PCNX3: variants seen among roughly 807,000 people sequenced by gnomAD.
The protein encoded by PCNX3 is pecanex 3, also known as pecanex-like protein 3.
Under a neutral mutation model 207.2 loss-of-function variants are expected in PCNX3, and 58 were observed. The observed-to-expected ratio is 0.28, with a 90% CI of 0.23 to 0.35. The LOEUF (loss-of-function observed/expected upper bound fraction) is 0.35. Ranked by LOEUF, PCNX3 falls within the 10% of genes least tolerant of loss-of-function variation. PCNX3 has a pLI of 1.00. For synonymous variants in PCNX3, 1,337 were observed against 1,183.5 expected, an observed-to-expected ratio of 1.13 and a Z score of -2.66; for missense variants, 2,410 against 2,774.4, an observed-to-expected ratio of 0.87 and a Z score of 2.95.
At chr11:65,630,647 T>A (rs749347100) in intron 27 of PCNX3, 43 bp downstream of exon 27, 1 of 1,588,254 alleles carries the variant, frequency 6.3e-7, no homozygotes, top group Non-Finnish European at 8.6e-7. Flanking sequence ...CCCTTGCGGG[T>A]GAGCGCTCGC....
intron 9 of PCNX3, among the ~76,000 whole-genome samples, 179 bp downstream of exon 9, chr11:65,620,608 A>G (rs142108341): frequency 0.012 from 1,831 of 151,982 alleles, 40 homozygotes; most frequent in African/African-American, 0.041. Flanking sequence ...GCTCCATGAC[A>G]CTCCGGGCAG....
intron 22 of PCNX3, among the ~76,000 whole-genome samples, chr11:65,627,902 G>A (rs968108272): frequency 6.6e-5 from 10 of 152,134 alleles, no homozygotes; most frequent in East Asian, 1.9e-4. Context: ...TCCTCTGGAC[G>A]CAGACCTCTG....
chr11:65,620,561 TG>T (rs1855032883), intron 9 of PCNX3, 132 bp downstream of exon 9: 2 of 1,069,598 alleles, frequency 1.9e-6, no homozygotes, highest in Non-Finnish European at 2.7e-6. Flanking sequence ...AGGGAGAGGA[TG>T]GGGAGCAGCA....
chr11:65,622,411 G>A, intron 11 of PCNX3, 45 bp downstream of exon 11: 2 of 1,563,088 alleles, frequency 1.3e-6, no homozygotes, highest in Non-Finnish European at 1.7e-6. Context: ...GAAAGCCCCT[G>A]GACCTTGGCT....
At position 65,616,398 on chromosome 11, in the gene PCNX3, C is replaced by A. The variant is rs1469597696; in HGVS notation, c.87C>A (p.Thr29=). 3 of 1,610,860 alleles carry A rather than the reference C, an allele frequency of 1.9e-6. No homozygotes were observed. The highest frequency in any genetic ancestry group is 4.5e-5 in the East Asian group (2 of 44,656). The change falls in exon 1 of 35, where the codon ACC becomes ACA. Residue 29 remains threonine (T), a synonymous_variant. Coordinates refer to ENST00000355703, the MANE Select transcript of PCNX3 (RefSeq NM_032223.4). ...GGTTCTTCGACCCGCACCAGAGCAC[C>A]TTCTCCAACTGCTTCCACCTCTATG... The part of the protein sequence containing the change: ...GGWFFDPHQS[T]FSNCFHLYVW...
Position 65,630,500 on chromosome 11 carries a change from G to A in PCNX3, c.4366G>A (p.Ala1456Thr). 1 of 1,613,578 alleles carries A rather than the reference G, an allele frequency of 6.2e-7. No individual in the cohort carries two copies. Among genetic ancestry groups the A allele is most frequent in the South Asian group, 1.1e-5 (1 of 91,088 alleles). Reference sequence around the variant, plus strand: ...GCGCTGGCTGGCTTGGGAGGTAACAGCCAGCAAGTACGTGCTGGAGGGCTA... The same window carrying A: ...GCGCTGGCTGGCTTGGGAGGTAACAACCAGCAAGTACGTGCTGGAGGGCTA... ...GQRWLAWEVT[A>T]SKYVLEGYSI... The change falls in exon 27 of 35, where the codon GCC becomes ACC. Residue 1456 changes from alanine to threonine, a missense_variant. Ala to Thr is a moderately conservative substitution (Grantham distance 58, BLOSUM62 0). Coordinates refer to ENST00000355703, the MANE Select transcript of PCNX3 (RefSeq NM_032223.4).
rs746351113 is a variant in PCNX3 at position 65,623,530 on chromosome 11, G to A, written c.2397G>A (p.Leu799=). 1 of 1,613,582 alleles carries A rather than the reference G, an allele frequency of 6.2e-7. No individual in the cohort carries two copies. Among genetic ancestry groups the A allele is most frequent in the East Asian group, 2.2e-5 (1 of 44,886 alleles). Residue 799 remains leucine, a synonymous_variant, in exon 12 of 35, where the codon CTG becomes CTA. Coordinates refer to ENST00000355703, the MANE Select transcript of PCNX3 (RefSeq NM_032223.4). The stretch of plus-strand genomic sequence containing the variant: ...TGGAGAACATCTTCGGCGTGGGCCT[G>A]AGCAGCCTTGTGGCCTTCCTGGGCT... ...GVLENIFGVG[L]SSLVAFLGYL... is the part of the protein sequence containing the mutation.
chr11:65,628,793 C>G, intron 23 of PCNX3, 26 bp from the exon 24 acceptor site: 1 of 1,609,084 alleles, frequency 6.2e-7, no homozygotes, highest in South Asian at 1.1e-5. Context: ...GTCCTGTTGC[C>G]CGCCGCCTCC....
chr11:65,627,477 G>C lies in PCNX3; in HGVS notation c.3597G>C (p.Gln1199His). ...LRSAFCCPPQ[Q>H]YLTLAFTVLL... ...CAGCCTTCTGCTGCCCCCCACAGCA[G>C]TACCTGACGTTGGCCTTCACCGTCC... Residue 1199 changes from glutamine to histidine, a missense_variant, in exon 22 of 35, where the codon CAG becomes CAC. Around this residue, in one of 8 missense-constraint regions of PCNX3, gnomAD observed 333 missense variants for 386.8 expected, o/e 0.86. Coordinates refer to ENST00000355703, the MANE Select transcript of PCNX3 (RefSeq NM_032223.4). The C allele has an allele frequency of 2.5e-6, 4 of 1,613,742 alleles. No homozygotes were observed. In the South Asian group the frequency reaches 3.3e-5, roughly 13 times the overall value.
intron 23 of PCNX3, 53 bp from the exon 24 acceptor site, chr11:65,628,766 T>TGGGGGG: frequency 3.3e-6 from 1 of 302,140 alleles, no homozygotes; most frequent in Non-Finnish European, 5.5e-6. Flanking sequence ...CAGTGGGGGG[T>TGGGGGG]GGTGGGGGGC....
chr11:65,625,604 G>C lies in PCNX3; in HGVS notation c.3136-48G>C. On this transcript the variant is annotated intron_variant, in intron 18 of 34. Transcript: ENST00000355703. This position sits in a 1 kb window ranked among gnomAD's most constrained non-coding sequence, Gnocchi z 5.6. ...GTCCAGCTTGGGCTGCTGGGCAGCTGAGTGTCTCTCCTGGCCGGGCAGCTG... is the reference window on the plus strand; with the variant it reads ...GTCCAGCTTGGGCTGCTGGGCAGCTCAGTGTCTCTCCTGGCCGGGCAGCTG... 6.2e-7 allele frequency: 1 copy of C among 1,601,066 alleles called. No individual in the cohort carries two copies. Among genetic ancestry groups the C allele is most frequent in the Non-Finnish European group, 8.5e-7 (1 of 1,173,658 alleles).
chr11:65,624,965 C>T lies in PCNX3; in HGVS notation c.2868C>T (p.Arg956=), dbSNP rs766544155. 6.2e-7 allele frequency: 1 copy of T among 1,612,662 alleles called. No individual in the cohort carries two copies. Among genetic ancestry groups the T allele is most frequent in the Non-Finnish European group, 8.5e-7 (1 of 1,179,586 alleles). ...SPLTAVFSLS[R]SLLAAALLYG... ...TCACGGCAGTCTTCAGCCTCTCCCG[C>T]AGCCTGCTGGCTGCTGCCCTGCTCT... Residue 956 remains arginine (R), a synonymous_variant, in exon 16 of 35, where the codon CGC becomes CGT. Transcript: ENST00000355703.
chr11:65,636,357 C>T lies in PCNX3; in HGVS notation c.5594-34C>T, dbSNP rs529742679. 3.8e-6 allele frequency: 6 copies of T among 1,594,062 alleles called. No homozygotes were observed. In the Admixed American group the frequency reaches 6.9e-5, roughly 18 times the overall value. The stretch of plus-strand genomic sequence containing the variant: ...CCCGTGGGTGAGGAGTGCAGCCCAG[C>T]TGAGGCCTCTGCTGTCTTATCTGTC... On this transcript the variant is annotated intron_variant, in intron 33 of 34. Coordinates refer to ENST00000355703, the MANE Select transcript of PCNX3 (RefSeq NM_032223.4).
rs763569394 is a variant in PCNX3 at position 65,624,566 on chromosome 11, G to A, written c.2812G>A (p.Gly938Ser). ...CCTGCTGGAGCAAATAGATATGCAC[G>A]GCTTCGGGGGCACAGGTATGATGCC... ...MYLLEQIDMH[G>S]FGGTAATSPL... The change falls in exon 15 of 35, where the codon GGC becomes AGC. Residue 938 changes from glycine to serine, a missense_variant. Physicochemically the swap from Gly to Ser is moderately conservative, Grantham distance 56 (BLOSUM62 0). This residue lies in a region of PCNX3 where 18 missense variants were observed against 46.2 expected (regional missense o/e 0.39). Transcript: ENST00000355703. The A allele has an allele frequency of 6.3e-6, 10 of 1,599,668 alleles. No individual in the cohort carries two copies. The highest frequency in any genetic ancestry group is 2.3e-5 in the South Asian group (2 of 88,352).
In PCNX3 at chr11:65,617,980, C is replaced by T. The variant is rs777411363; in HGVS notation, c.618C>T (p.Asp206=). 12 of 1,608,402 alleles carry T rather than the reference C, an allele frequency of 7.5e-6. No individual in the cohort carries two copies. The highest frequency in any genetic ancestry group is 1.7e-4 in the Middle Eastern group (1 of 6,040). The change falls in exon 6 of 35, where the codon GAC becomes GAT. Residue 206 remains aspartate (D), a synonymous_variant. Coordinates refer to ENST00000355703, the MANE Select transcript of PCNX3 (RefSeq NM_032223.4). ...AGACGCCTCCAGGGGCTGTCCCAGA[C>T]CCCTCTCTTGCCAGTACAGACTCTT... ...LPQTPPGAVP[D]PSLASTDSSE... is the part of the protein sequence containing the mutation.
chr11:65,630,006 G>A (rs1419769932), intron 26 of PCNX3, among the ~76,000 whole-genome samples: 1 of 152,246 alleles, frequency 6.6e-6, no homozygotes, highest in Non-Finnish European at 1.5e-5. Flanking sequence ...GGAGGTCTGA[G>A]TTCTCACACC....
In PCNX3 at chr11:65,625,761, C is replaced by T. The variant is rs1163646432; in HGVS notation, c.3228+17C>T. 5 of 1,604,446 alleles carry T rather than the reference C, an allele frequency of 3.1e-6. No individual in the cohort carries two copies. Among genetic ancestry groups the T allele is most frequent in the Non-Finnish European group, 4.2e-6 (5 of 1,177,390 alleles). On this transcript the variant is annotated intron_variant, in intron 19 of 34. Coordinates refer to ENST00000355703, the MANE Select transcript of PCNX3 (RefSeq NM_032223.4). This position sits in a 1 kb window ranked among gnomAD's most constrained non-coding sequence, Gnocchi z 5.6. The stretch of plus-strand genomic sequence containing the variant: ...GCCCTGAAGGTTTGTGTGGCATGGG[C>T]CGCTGCTGCCTCTCGCTGTCTTGGC...
At chr11:65,628,760 G>C (rs1227785631) in intron 23 of PCNX3, 57 bp downstream of exon 23, 1 of 1,601,396 alleles carries the variant, frequency 6.2e-7, no homozygotes, top group East Asian at 2.2e-5. Flanking sequence ...CTGGGGCAGT[G>C]GGGGGTGGTG....
In PCNX3 at chr11:65,625,703, A is replaced by G. The variant is rs1855351862; in HGVS notation, c.3187A>G (p.Thr1063Ala). Reference sequence around the variant, plus strand: ...GATGTGTGTGGTGATCGCCGTGCTCACCTTCGCCATCAGCGCCAGCACCGT... The same window carrying G: ...GATGTGTGTGGTGATCGCCGTGCTCGCCTTCGCCATCAGCGCCAGCACCGT... ...LVMCVVIAVL[T>A]FAISASTVFI... is the part of the protein sequence containing the mutation. Residue 1063 changes from threonine to alanine, a missense_variant, in exon 19 of 35, where the codon ACC becomes GCC. This residue lies in a region of PCNX3 where 333 missense variants were observed against 386.8 expected (regional missense o/e 0.86). Transcript: ENST00000355703. The surrounding 1 kb of genome is among the most constrained non-coding windows in gnomAD (Gnocchi z 5.6). 1 of 1,611,696 alleles carries G rather than the reference A, an allele frequency of 6.2e-7. No homozygotes were observed. Among genetic ancestry groups the G allele is most frequent in the African/African-American group, 1.3e-5 (1 of 74,804 alleles).
Sources: allele counts gnomAD v4.1 joint callset (sites outside exome capture counted in the v4.1 genomes callset), GRCh38; gene constraint gnomAD v4.1.1; regional missense constraint gnomAD v4.1.1; non-coding constraint Gnocchi (gnomAD v3.1); transcripts MANE v1.5; gene names NCBI Gene and HGNC (gene_info 2026-07-23, HGNC 2026-07-21).